MMS22L: variants seen among roughly 807,000 people sequenced by gnomAD.
MMS22L encodes protein MMS22-like.
In MMS22L, 74 loss-of-function variants were observed where a neutral mutation model predicts 159.1. That is an observed-to-expected ratio of 0.47 (90% confidence interval 0.39 to 0.56). MMS22L has a LOEUF of 0.56. Ranked by LOEUF, MMS22L falls within the 20% of genes least tolerant of loss-of-function variation. The pLI is 0.00. For synonymous variants in MMS22L, 517 were observed against 506.9 expected, an observed-to-expected ratio of 1.02 and a Z score of -0.27; for missense variants, 1,351 against 1,422.1, an observed-to-expected ratio of 0.95 and a Z score of 0.80.
In MMS22L at chr6:97,283,104, A is replaced by G. The variant is rs971229080; in HGVS notation, c.-85T>C. ...CGCGGTGCCTGTCGTACCCGCTCAC[A>G]TTTCCAGCTCCCGAAACCTGCCTCC... On this transcript the variant is annotated 5_prime_UTR_variant, in exon 1 of 25. The change abolishes an upstream ATG in the 5' untranslated region. Transcript: ENST00000683635. 1 of 152,202 alleles carries G rather than the reference A, an allele frequency of 6.6e-6. No individual in the cohort carries two copies. The highest frequency in any genetic ancestry group is 6.5e-5 in the Admixed American group (1 of 15,292). 9.4% of individuals were successfully genotyped at this position (152,202 alleles called of 1,614,324 possible).
At position 97,229,353 on chromosome 6, in the gene MMS22L, C is replaced by T; in HGVS notation, c.1580G>A (p.Gly527Asp). The change falls in exon 14 of 25, where the codon GGT becomes GAT. Residue 527 changes from glycine to aspartate, a missense_variant. Transcript: ENST00000683635. Reference sequence around the variant, plus strand: ...AAAAAGGCTAAAAAAGTTCTGTAGACCAACTTCAGTTAGTTCTTCCATTCT... The same window carrying T: ...AAAAAGGCTAAAAAAGTTCTGTAGATCAACTTCAGTTAGTTCTTCCATTCT... ...QKRMEELTEV[G>D]LQNFFSLFLL... 1 of 1,605,632 alleles carries T rather than the reference C, an allele frequency of 6.2e-7. No individual in the cohort carries two copies. The highest frequency in any genetic ancestry group is 1.1e-5 in the South Asian group (1 of 89,954).
intron 4 of MMS22L, 82 bp from the exon 5 acceptor site, chr6:97,273,144 C>A: frequency 9.7e-7 from 1 of 1,026,080 alleles, no homozygotes; most frequent in Non-Finnish European, 1.5e-6. Flanking sequence ...GCCATACCGG[C>A]AGCAATTCTC....
intron 14 of MMS22L, among the ~76,000 whole-genome samples, chr6:97,188,474 T>A (rs985948582): frequency 6.6e-6 from 1 of 152,206 alleles, no homozygotes; most frequent in Non-Finnish European, 1.5e-5. Flanking sequence ...ATAGGTATCA[T>A]TAATCCTCTT....
intron 14 of MMS22L, among the ~76,000 whole-genome samples, chr6:97,224,274 T>C (rs946948157): frequency 6.6e-6 from 1 of 152,170 alleles, no homozygotes; most frequent in Non-Finnish European, 1.5e-5. Flanking sequence ...CCTTTTTTGA[T>C]TTCTACCTCT....
At chr6:97,150,057 G>C in intron 23 of MMS22L, 37 bp from the exon 24 acceptor site, 3 of 1,572,682 alleles carry the variant, frequency 1.9e-6, no homozygotes, top group Non-Finnish European at 2.6e-6. Context: ...ATTACTCCTG[G>C]GGCAATTCCT....
At position 97,270,084 on chromosome 6, in the gene MMS22L, G is replaced by T. The variant is rs1315319771; in HGVS notation, c.607-92C>A. The T allele has an allele frequency of 6.0e-6, 6 of 991,844 alleles. No homozygotes were observed. The East Asian group carries it at 1.5e-4, about 25-fold the overall frequency. 61.4% of individuals were successfully genotyped at this position (991,844 alleles called of 1,614,324 possible). A position where few individuals can be genotyped will look rare whatever the true frequency, so the allele number is the denominator to read the frequency against. On this transcript the variant is annotated intron_variant, in intron 6 of 24. Transcript: ENST00000683635. ...TCACAATACTCCTCCATAAACACAAGGATAAAGAACCAATTAACCTACCAC... is the reference window on the plus strand; with the variant it reads ...TCACAATACTCCTCCATAAACACAATGATAAAGAACCAATTAACCTACCAC...
At chr6:97,249,472 G>C (rs1813010773) in intron 10 of MMS22L, among the ~76,000 whole-genome samples, 1 of 152,114 alleles carries the variant, frequency 6.6e-6, no homozygotes, top group Non-Finnish European at 1.5e-5. Context: ...CAGTTTTAGG[G>C]ACTGTCCCCT....
At chr6:97,162,717 C>G (rs764938375) in intron 21 of MMS22L, among the ~76,000 whole-genome samples, 1 of 151,918 alleles carries the variant, frequency 6.6e-6, no homozygotes, top group Non-Finnish European at 1.5e-5. Context: ...TAGGATTTAG[C>G]ATTATCTCTC....
intron 3 of MMS22L, among the ~76,000 whole-genome samples, chr6:97,280,025 A>G (rs1006189003): frequency 6.6e-6 from 1 of 152,136 alleles, no homozygotes; most frequent in Non-Finnish European, 1.5e-5. Context: ...TTTATAACCT[A>G]TGTCCTAGAT....
chr6:97,204,539 C>A (rs1183936379), intron 14 of MMS22L, among the ~76,000 whole-genome samples: 1 of 152,138 alleles, frequency 6.6e-6, no homozygotes, highest in Non-Finnish European at 1.5e-5. Flanking sequence ...TGCTTGTAAT[C>A]CCAACACTTT....
intron 18 of MMS22L, among the ~76,000 whole-genome samples, chr6:97,173,813 GTGAATCAGTAAGA>G (rs1165160322): frequency 6.6e-6 from 1 of 152,086 alleles, no homozygotes; most frequent in African/African-American, 2.4e-5. Context: ...GAAATGTGAG[GTGAATCAGTAAGA>G]GAAGAACAGA....
intron 21 of MMS22L, among the ~76,000 whole-genome samples, chr6:97,164,801 T>C (rs751347726): frequency 5.9e-5 from 9 of 151,992 alleles, no homozygotes; most frequent in Non-Finnish European, 1.2e-4. Flanking sequence ...GTATTTTTAG[T>C]ACAGACTGGG....
chr6:97,186,096 C>T (rs1805196567), intron 15 of MMS22L, among the ~76,000 whole-genome samples: 1 of 152,036 alleles, frequency 6.6e-6, no homozygotes, highest in African/African-American at 2.4e-5. Flanking sequence ...CTGATCTCAT[C>T]TTCTTGGGAT....
chr6:97,201,722 A>C (rs1251762798), intron 14 of MMS22L, among the ~76,000 whole-genome samples: 1 of 152,240 alleles, frequency 6.6e-6, no homozygotes, highest in Admixed American at 6.5e-5. Context: ...TGCACCATTC[A>C]GATGATTGAG....
intron 10 of MMS22L, chr6:97,254,306 G>T (rs1813546369): frequency 2.8e-6 from 1 of 351,090 alleles, no homozygotes; most frequent in Non-Finnish European, 5.1e-6. Context: ...TTTGCTCAGG[G>T]TCACACAATT....
intron 16 of MMS22L, among the ~76,000 whole-genome samples, chr6:97,180,680 AT>A (rs1804617578): frequency 6.6e-6 from 1 of 152,176 alleles, no homozygotes; most frequent in African/African-American, 2.4e-5. Context: ...TAACAATATC[AT>A]TTTTTAAGTA....
intron 10 of MMS22L, chr6:97,253,796 G>T (rs188075848): frequency 6.6e-6 from 1 of 152,138 alleles, no homozygotes; most frequent in Non-Finnish European, 1.5e-5. Flanking sequence ...CAAGTCTAAT[G>T]ATCAGCCAGG....
intron 9 of MMS22L, among the ~76,000 whole-genome samples, chr6:97,255,876 AAAC>A (rs1813747022): frequency 6.6e-6 from 1 of 152,282 alleles, no homozygotes; most frequent in Admixed American, 6.5e-5. Flanking sequence ...CATCACTATA[AAAC>A]AACTTAATGC....
chr6:97,253,163 G>T (rs944249741), intron 10 of MMS22L, among the ~76,000 whole-genome samples: 2 of 152,050 alleles, frequency 1.3e-5, no homozygotes, highest in Non-Finnish European at 2.9e-5. Flanking sequence ...TATATTCTGG[G>T]ATCTCCTACA....
Sources: gnomAD v4.1 joint callset for allele counts (sites outside exome capture counted in the v4.1 genomes callset) on GRCh38, gnomAD v4.1.1 for gene constraint, MANE v1.5 for transcripts, NCBI Gene and HGNC (gene_info 2026-07-23, HGNC 2026-07-21) for gene names.